The following TBX20 variants were observed in gnomAD, a reference collection of about 807,000 sequenced individuals.
The protein encoded by TBX20 is T-box transcription factor 20, also known as T-box transcription factor TBX20.
In TBX20, 8 loss-of-function variants were observed where a neutral mutation model predicts 42.9. The ratio of observed to expected loss-of-function variants is 0.19; its 90% CI spans 0.11 to 0.34. The LOEUF (loss-of-function observed/expected upper bound fraction) is 0.34, where lower values mean the gene tolerates loss of function less well. TBX20 is among the 10% of genes least tolerant of loss of function. The probability of loss-of-function intolerance (pLI) is 1.00; values close to 1 mark genes in which losing one functional copy is unlikely to be tolerated. For missense variants in TBX20, 411 were observed against 566.0 expected (o/e 0.73, Z 2.78); for synonymous variants, 198 against 222.8 (o/e 0.89, Z 0.99).
At chr7:35,238,879 T>C (rs1584354271) in intron 5 of TBX20, among the ~76,000 whole-genome samples, 1 of 127,380 alleles carries the variant, frequency 7.9e-6, no homozygotes, top group Non-Finnish European at 1.8e-5. Flanking sequence ...ATCTCATTAA[T>C]ACACCACTAA....
intron 6 of TBX20, among the ~76,000 whole-genome samples, chr7:35,225,132 T>G (rs1273812702): frequency 2.0e-5 from 3 of 152,188 alleles, no homozygotes; most frequent in African/African-American, 7.2e-5. Context: ...TTAAGTTCAG[T>G]AAAATGGCAC....
At chr7:35,221,286 T>A (rs1472874811) in intron 6 of TBX20, among the ~76,000 whole-genome samples, 1 of 45,410 alleles carries the variant, frequency 2.2e-5, no homozygotes. Context: ...ATATACACTT[T>A]CGGTCTGGCA....
At chr7:35,208,137 A>G (rs1008671936) in intron 6 of TBX20, among the ~76,000 whole-genome samples, 3 of 152,188 alleles carry the variant, frequency 2.0e-5, no homozygotes, top group African/African-American at 7.2e-5. Context: ...TTTTAAGTAT[A>G]TATGTCTTGC....
At chr7:35,246,583 T>G (rs1346973610) in intron 3 of TBX20, among the ~76,000 whole-genome samples, 1 of 152,168 alleles carries the variant, frequency 6.6e-6, no homozygotes, top group Admixed American at 6.5e-5. Flanking sequence ...GGTAACATTA[T>G]TTTAGATCAT....
At chr7:35,236,210 C>A (rs1789961757) in intron 5 of TBX20, among the ~76,000 whole-genome samples, 1 of 151,870 alleles carries the variant, frequency 6.6e-6, no homozygotes, top group Non-Finnish European at 1.5e-5. Flanking sequence ...GAAACTCTGA[C>A]TTGGATTTCA....
At chr7:35,252,573 A>T (rs1198816656) in intron 1 of TBX20, among the ~76,000 whole-genome samples, 1 of 152,098 alleles carries the variant, frequency 6.6e-6, no homozygotes, top group East Asian at 1.9e-4. Context: ...GGACAGAGAG[A>T]AGAAAGGAAA....
chr7:35,221,262 T>C (rs1405165299), intron 6 of TBX20, among the ~76,000 whole-genome samples: 1 of 109,504 alleles, frequency 9.1e-6, no homozygotes, highest in African/African-American at 3.5e-5. Flanking sequence ...TTTCCTATTA[T>C]ATAGGACAAC....
At chr7:35,230,376 C>T (rs1451959790) in intron 6 of TBX20, among the ~76,000 whole-genome samples, 3 of 152,132 alleles carry the variant, frequency 2.0e-5, no homozygotes, top group East Asian at 1.9e-4. Flanking sequence ...CTGATCTCAA[C>T]ACTTCCAACC....
chr7:35,217,106 A>T (rs1789604341), intron 6 of TBX20, among the ~76,000 whole-genome samples: 1 of 152,194 alleles, frequency 6.6e-6, no homozygotes, highest in Non-Finnish European at 1.5e-5. Context: ...CATTTTGGAA[A>T]AACAAAATGA....
chr7:35,223,422 G>A (rs567707470), intron 6 of TBX20, among the ~76,000 whole-genome samples: 1 of 152,314 alleles, frequency 6.6e-6, no homozygotes, highest in South Asian at 2.1e-4. Context: ...CCGAGACAGG[G>A]CACCCAGAGA....
At chr7:35,225,405 T>C (rs1402517329) in intron 6 of TBX20, among the ~76,000 whole-genome samples, 1 of 152,260 alleles carries the variant, frequency 6.6e-6, no homozygotes, top group African/African-American at 2.4e-5. Flanking sequence ...ATTTTTTTCA[T>C]ACTGAGTCTT....
At chr7:35,246,426 A>C (rs557524276) in intron 3 of TBX20, among the ~76,000 whole-genome samples, 1 of 152,232 alleles carries the variant, frequency 6.6e-6, no homozygotes, top group Non-Finnish European at 1.5e-5. Flanking sequence ...CTCCCTCTAA[A>C]AAAGTCCAAA....
At chr7:35,238,645 TAAATTA>T (rs1790012911) in intron 5 of TBX20, among the ~76,000 whole-genome samples, 1 of 152,230 alleles carries the variant, frequency 6.6e-6, no homozygotes, top group Non-Finnish European at 1.5e-5. Context: ...TGCCCTCAAA[TAAATTA>T]AAAACAGGAT....
intron 6 of TBX20, among the ~76,000 whole-genome samples, chr7:35,209,747 G>T (rs1031859449): frequency 6.6e-6 from 1 of 152,166 alleles, no homozygotes; most frequent in Non-Finnish European, 1.5e-5. Context: ...GGAAGATGAG[G>T]TTATTGATTT....
intron 3 of TBX20, among the ~76,000 whole-genome samples, chr7:35,248,335 T>C (rs1273541642): frequency 6.6e-6 from 1 of 152,244 alleles, no homozygotes; most frequent in East Asian, 1.9e-4. Context: ...TTATTCACTC[T>C]GGTTTTAAGC....
chr7:35,222,867 G>A (rs1789706123), intron 6 of TBX20, among the ~76,000 whole-genome samples: 1 of 152,138 alleles, frequency 6.6e-6, no homozygotes, highest in Non-Finnish European at 1.5e-5. Flanking sequence ...GTGAGGAATT[G>A]GAGGGCTCTG....
chr7:35,234,946 C>T (rs1255712904), intron 5 of TBX20, among the ~76,000 whole-genome samples: 1 of 152,046 alleles, frequency 6.6e-6, no homozygotes, highest in Non-Finnish European at 1.5e-5. Context: ...TTCCTTGTAG[C>T]CCACTGTCAC....
chr7:35,248,854 G>A lies in TBX20; in HGVS notation c.381-13C>T. On this transcript the variant is annotated splice_polypyrimidine_tract_variant and intron_variant, in intron 2 of 7. Transcript: ENST00000408931. The stretch of plus-strand genomic sequence containing the variant: ...TGGAAACATCCTCCTGACAGAGAGA[G>A]AGAGAGAGAATGGGCCCTGTTTATG... 1 of 1,614,090 alleles carries A rather than the reference G, an allele frequency of 6.2e-7. No individual in the cohort carries two copies. The highest frequency in any genetic ancestry group is 1.1e-5 in the South Asian group (1 of 91,074).
intron 6 of TBX20, among the ~76,000 whole-genome samples, chr7:35,222,736 G>C (rs1789703088): frequency 6.6e-6 from 1 of 152,074 alleles, no homozygotes; most frequent in Non-Finnish European, 1.5e-5. Context: ...ATGTAATCAG[G>C]TCTGTGTGGT....
Sources: gnomAD v4.1 joint callset for allele counts (sites outside exome capture counted in the v4.1 genomes callset) on GRCh38, gnomAD v4.1.1 for gene constraint, MANE v1.5 for transcripts, NCBI Gene and HGNC (gene_info 2026-07-23, HGNC 2026-07-21) for gene names.